The following CACNG3 variants were observed in gnomAD, a reference collection of about 807,000 sequenced individuals.
CACNG3 encodes the protein voltage-dependent calcium channel gamma-3 subunit.
In CACNG3, 3 loss-of-function variants were observed where a neutral mutation model predicts 28.5. The ratio of observed to expected loss-of-function variants is 0.11; its 90% CI spans 0.05 to 0.27. The LOEUF is 0.27. Among genes scored for constraint, CACNG3 ranks in the 10% least tolerant of loss-of-function variants. The pLI, the probability that CACNG3 is intolerant of heterozygous loss-of-function variation, is 1.00. For missense variants in CACNG3, 236 were observed against 414.4 expected (o/e 0.57, Z 3.74); for synonymous variants, 174 against 162.2 (o/e 1.07, Z -0.55).
At chr16:24,341,199 A>G (rs1279991387) in intron 1 of CACNG3, among the ~76,000 whole-genome samples, 1 of 152,274 alleles carries the variant, frequency 6.6e-6, no homozygotes, top group Non-Finnish European at 1.5e-5. Flanking sequence ...GGAAGGAAAT[A>G]TACAAAAATG....
At chr16:24,268,794 C>A (rs563076144) in intron 1 of CACNG3, among the ~76,000 whole-genome samples, 10 of 152,304 alleles carry the variant, frequency 6.6e-5, no homozygotes, top group African/African-American at 2.4e-4. Flanking sequence ...GGGATGGCAT[C>A]AGGTCCATGG....
At chr16:24,288,233 TG>T (rs1304138100) in intron 1 of CACNG3, among the ~76,000 whole-genome samples, 3 of 152,322 alleles carry the variant, frequency 2.0e-5, no homozygotes, top group Non-Finnish European at 4.4e-5. Context: ...GTGATGATGA[TG>T]ATAATAGCTT....
At chr16:24,278,685 T>C (rs1011704493) in intron 1 of CACNG3, among the ~76,000 whole-genome samples, 3 of 152,182 alleles carry the variant, frequency 2.0e-5, no homozygotes, top group Non-Finnish European at 4.4e-5. Context: ...GCTTCTATGC[T>C]AAATAACTTA....
intron 1 of CACNG3, among the ~76,000 whole-genome samples, chr16:24,336,562 AC>A (rs869077298): frequency 5.9e-5 from 5 of 84,412 alleles, no homozygotes; most frequent in African/African-American, 2.6e-4. Context: ...GGCGTGAGCC[AC>A]TGTGCCCAGC....
intron 1 of CACNG3, among the ~76,000 whole-genome samples, chr16:24,266,256 C>T (rs943362423): frequency 1.6e-4 from 25 of 152,204 alleles, no homozygotes; most frequent in African/African-American, 4.3e-4. Context: ...CTGTAAGACA[C>T]GGTTACTCGG....
At chr16:24,354,707 C>A in intron 2 of CACNG3, 126 bp from the exon 3 acceptor site, 1 of 925,338 alleles carries the variant, frequency 1.1e-6, no homozygotes, top group Non-Finnish European at 1.6e-6. Context: ...GGTCTCATGC[C>A]CGTGTTAGAC....
intron 1 of CACNG3, among the ~76,000 whole-genome samples, chr16:24,271,534 G>A (rs1017986646): frequency 6.6e-6 from 1 of 152,118 alleles, no homozygotes; most frequent in South Asian, 2.1e-4. Flanking sequence ...CTCCTGTGCA[G>A]CTTCCCCTTC....
At chr16:24,320,155 CTG>C (rs1799157961) in intron 1 of CACNG3, among the ~76,000 whole-genome samples, 1 of 152,142 alleles carries the variant, frequency 6.6e-6, no homozygotes, top group East Asian at 1.9e-4. Flanking sequence ...AGCATAAAAA[CTG>C]GGGAATGCGT....
At chr16:24,291,130 G>T (rs938692434) in intron 1 of CACNG3, among the ~76,000 whole-genome samples, 1 of 152,162 alleles carries the variant, frequency 6.6e-6, no homozygotes, top group African/African-American at 2.4e-5. Context: ...CCCTCATAGG[G>T]TTCTTATGGA....
chr16:24,326,414 G>C (rs993923516), intron 1 of CACNG3, among the ~76,000 whole-genome samples: 1 of 151,902 alleles, frequency 6.6e-6, no homozygotes, highest in Non-Finnish European at 1.5e-5. Flanking sequence ...CAGGTGATCC[G>C]CCCGCCTCGG....
chr16:24,268,546 A>G (rs780928132), intron 1 of CACNG3, among the ~76,000 whole-genome samples: 1 of 152,256 alleles, frequency 6.6e-6, no homozygotes, highest in Non-Finnish European at 1.5e-5. Context: ...CAATTCTGAT[A>G]CCAAATCCAG....
intron 1 of CACNG3, among the ~76,000 whole-genome samples, chr16:24,305,731 G>A (rs1567214462): frequency 2.0e-5 from 3 of 152,074 alleles, no homozygotes; most frequent in African/African-American, 4.8e-5. Context: ...GTTGATAGGT[G>A]TAGCAAACCA....
chr16:24,356,483 C>T (rs1900034900), intron 3 of CACNG3, among the ~76,000 whole-genome samples: 1 of 151,904 alleles, frequency 6.6e-6, no homozygotes, highest in African/African-American at 2.4e-5. Flanking sequence ...AGAAGAATCA[C>T]TTGAGCACAG....
intron 1 of CACNG3, among the ~76,000 whole-genome samples, chr16:24,319,536 C>G (rs1388845295): frequency 6.6e-6 from 1 of 152,178 alleles, no homozygotes; most frequent in Non-Finnish European, 1.5e-5. Context: ...TTACTGCAGA[C>G]TTGACCTCCT....
intron 1 of CACNG3, among the ~76,000 whole-genome samples, chr16:24,310,736 T>C (rs1899249912): frequency 6.6e-6 from 1 of 152,186 alleles, no homozygotes. Context: ...GTTAAGTGAC[T>C]CACCCAAGGT....
chr16:24,336,271 T>C (rs1899706770), intron 1 of CACNG3, among the ~76,000 whole-genome samples: 1 of 145,490 alleles, frequency 6.9e-6, no homozygotes, highest in Non-Finnish European at 1.5e-5. Flanking sequence ...TGGAGATCAC[T>C]GGCATTTTTT....
At chr16:24,257,424 A>G (rs966169416) in intron 1 of CACNG3, among the ~76,000 whole-genome samples, 5 of 122,398 alleles carry the variant, frequency 4.1e-5, no homozygotes, top group East Asian at 5.2e-4. Context: ...AGAGAGAGAG[A>G]GAGATCCTGA....
chr16:24,282,071 T>C (rs577638323), intron 1 of CACNG3, among the ~76,000 whole-genome samples: 5 of 152,234 alleles, frequency 3.3e-5, no homozygotes, highest in Admixed American at 2.0e-4. Flanking sequence ...AGATGTCCAC[T>C]GCAACGCAGC....
At chr16:24,345,224 G>A (rs552057797) in intron 1 of CACNG3, among the ~76,000 whole-genome samples, 7 of 152,206 alleles carry the variant, frequency 4.6e-5, no homozygotes, top group South Asian at 2.1e-4. Flanking sequence ...AACCTTGTCC[G>A]TTTCCCACGA....
Sources: gnomAD v4.1 joint callset for allele counts (sites outside exome capture counted in the v4.1 genomes callset) on GRCh38, gnomAD v4.1.1 for gene constraint, MANE v1.5 for transcripts, NCBI Gene and HGNC (gene_info 2026-07-23, HGNC 2026-07-21) for gene names.